Variants in MED12L observed in about 807,000 individuals in gnomAD.
MED12L encodes the protein mediator complex subunit 12L.
MED12L carries 60 observed loss-of-function variants against 281.3 expected under a neutral mutation model. The ratio of observed to expected loss-of-function variants is 0.21; its 90% CI spans 0.17 to 0.26. MED12L has a LOEUF of 0.26. Ranked by LOEUF, MED12L falls within the 10% of genes least tolerant of loss-of-function variation. The pLI is 1.00. For synonymous variants in MED12L, 974 were observed against 987.2 expected, an observed-to-expected ratio of 0.99 and a Z score of 0.25; for missense variants, 2,146 against 2,680.9, an observed-to-expected ratio of 0.80 and a Z score of 4.41.
chr3:151,183,610 T>A (rs926045381), intron 11 of MED12L, among the ~76,000 whole-genome samples: 3 of 152,236 alleles, frequency 2.0e-5, no homozygotes, highest in Non-Finnish European at 4.4e-5. Flanking sequence ...GACTTCTCTT[T>A]TGTTGTAGTT....
intron 16 of MED12L, among the ~76,000 whole-genome samples, chr3:151,324,408 G>A (rs1749345784): frequency 6.6e-6 from 1 of 152,078 alleles, no homozygotes; most frequent in African/African-American, 2.4e-5. Flanking sequence ...GGGAGCATGG[G>A]GGTGGCTACG....
intron 1 of MED12L, 55 bp from the exon 2 acceptor site, chr3:151,086,743 T>C (rs1719269750): frequency 3.7e-6 from 2 of 544,976 alleles, no homozygotes; most frequent in Non-Finnish European, 6.6e-6. Context: ...CATCAGTGCG[T>C]GTCTGCTGCC....
intron 11 of MED12L, among the ~76,000 whole-genome samples, chr3:151,169,450 G>A (rs945714035): frequency 1.3e-5 from 2 of 151,996 alleles, no homozygotes; most frequent in Admixed American, 6.5e-5. Context: ...GTCACTTTGC[G>A]TATTTCTGGA....
chr3:151,417,961 T>C (rs1394032199), intron 43 of MED12L, among the ~76,000 whole-genome samples: 1 of 152,188 alleles, frequency 6.6e-6, no homozygotes, highest in African/African-American at 2.4e-5. Context: ...GGCTGTTACT[T>C]AGCAAATGTT....
intron 39 of MED12L, among the ~76,000 whole-genome samples, chr3:151,399,822 CCTT>C (rs1404474110): frequency 6.7e-6 from 1 of 150,160 alleles, no homozygotes; most frequent in East Asian, 2.0e-4. Flanking sequence ...TTAAGGAATT[CCTT>C]CTTTCTTTTT....
intron 2 of MED12L, among the ~76,000 whole-genome samples, chr3:151,107,473 G>A (rs972818044): frequency 3.3e-5 from 5 of 152,180 alleles, no homozygotes; most frequent in Admixed American, 3.3e-4. Flanking sequence ...CCTGGACTTA[G>A]CAGAGTCTGT....
At chr3:151,247,758 T>C (rs558778343) in intron 16 of MED12L, among the ~76,000 whole-genome samples, 195 of 108,426 alleles carry the variant, frequency 1.8e-3, no homozygotes, top group Non-Finnish European at 2.8e-3. Context: ...ACTTAATGTA[T>C]AATAAAAAAA....
chr3:151,309,430 A>C (rs929001895), intron 16 of MED12L, among the ~76,000 whole-genome samples: 7 of 152,116 alleles, frequency 4.6e-5, no homozygotes, highest in African/African-American at 1.7e-4. Context: ...TTACTGTCTT[A>C]TATGGGATAC....
chr3:151,328,352 A>G, intron 16 of MED12L: 1 of 1,612,958 alleles, frequency 6.2e-7, no homozygotes, highest in Admixed American at 1.7e-5. Context: ...AGAATCATAT[A>G]CTTTTTTTGC....
intron 32 of MED12L, 37 bp from the exon 33 acceptor site, chr3:151,382,619 A>G: frequency 6.7e-7 from 1 of 1,499,784 alleles, no homozygotes; most frequent in Non-Finnish European, 9.1e-7. Context: ...TGAGAGAAAA[A>G]TTAAACTTTA....
chr3:151,215,249 G>A (rs939198674), intron 16 of MED12L, among the ~76,000 whole-genome samples: 30 of 152,054 alleles, frequency 2.0e-4, no homozygotes, highest in African/African-American at 7.2e-4. Flanking sequence ...GTACTATTCA[G>A]TATGGTAGCC....
At chr3:151,393,276 G>A (rs1714528619) in intron 38 of MED12L, among the ~76,000 whole-genome samples, 1 of 152,092 alleles carries the variant, frequency 6.6e-6, no homozygotes, top group Non-Finnish European at 1.5e-5. Flanking sequence ...AAAAAGAAGG[G>A]GAAGTAGATA....
chr3:151,220,295 G>A (rs931608510), intron 16 of MED12L, among the ~76,000 whole-genome samples: 1 of 151,972 alleles, frequency 6.6e-6, no homozygotes, highest in Non-Finnish European at 1.5e-5. Flanking sequence ...ATAGGAAGAG[G>A]ATAGGTTTAG....
intron 16 of MED12L, among the ~76,000 whole-genome samples, chr3:151,248,666 A>G (rs1036164362): frequency 6.6e-6 from 1 of 152,180 alleles, no homozygotes; most frequent in South Asian, 2.1e-4. Context: ...TATCAAATTA[A>G]AAAAGGATAC....
At chr3:151,360,682 C>CTTT in intron 21 of MED12L, 77 bp downstream of exon 21, 1 of 1,337,196 alleles carries the variant, frequency 7.5e-7, no homozygotes, top group East Asian at 2.3e-5. Context: ...TATTGTCATC[C>CTTT]TTTTGAATAA....
chr3:151,213,307 G>C (rs1042409361), intron 16 of MED12L: 1 of 1,604,450 alleles, frequency 6.2e-7, no homozygotes, highest in South Asian at 1.1e-5. Flanking sequence ...AACTCACAAA[G>C]TATCTGTGCT....
intron 16 of MED12L, among the ~76,000 whole-genome samples, chr3:151,221,068 G>A (rs1206243151): frequency 6.6e-6 from 1 of 152,204 alleles, no homozygotes; most frequent in Non-Finnish European, 1.5e-5. Context: ...GTTGGGAAAT[G>A]GAGCAAAAGT....
intron 11 of MED12L, among the ~76,000 whole-genome samples, chr3:151,174,852 A>G (rs1049126769): frequency 1.3e-5 from 2 of 151,790 alleles, no homozygotes; most frequent in Non-Finnish European, 2.9e-5. Flanking sequence ...GACTGCAGGC[A>G]CACGCCACAC....
intron 16 of MED12L, chr3:151,213,201 A>G: frequency 1.1e-6 from 1 of 898,748 alleles, no homozygotes; most frequent in Non-Finnish European, 1.7e-6. Context: ...AGTGCTAGAG[A>G]TGATATTTAT....
Sources: allele counts gnomAD v4.1 joint callset (sites outside exome capture counted in the v4.1 genomes callset), GRCh38; gene constraint gnomAD v4.1.1; transcripts MANE v1.5; gene names NCBI Gene and HGNC (gene_info 2026-07-23, HGNC 2026-07-21).